Variants in FAF1 observed in about 807,000 individuals in gnomAD.
FAF1 encodes Fas associated factor 1.
FAF1 carries 25 observed loss-of-function variants against 92.5 expected under a neutral mutation model. The ratio of observed to expected loss-of-function variants is 0.27; its 90% CI spans 0.20 to 0.38. FAF1 has a LOEUF of 0.38. FAF1 is among the 10% of genes least tolerant of loss of function. FAF1 has a pLI of 1.00. For missense variants in FAF1, 636 were observed against 793.3 expected, an observed-to-expected ratio of 0.80 and a Z score of 2.38; for synonymous variants, 234 against 273.2, an observed-to-expected ratio of 0.86 and a Z score of 1.42.
intron 1 of FAF1, among the ~76,000 whole-genome samples, chr1:50,895,042 A>G (rs1644747766): frequency 6.6e-6 from 1 of 152,204 alleles, no homozygotes; most frequent in East Asian, 1.9e-4. Flanking sequence ...CAGAGCAGAA[A>G]TAAATGCAAT....
intron 8 of FAF1, among the ~76,000 whole-genome samples, chr1:50,617,276 T>G (rs1484750342): frequency 6.6e-6 from 1 of 152,198 alleles, no homozygotes; most frequent in Non-Finnish European, 1.5e-5. Context: ...AGCTGTGGGT[T>G]TGTGGTTAAT....
intron 6 of FAF1, among the ~76,000 whole-genome samples, chr1:50,732,793 T>C (rs1658982369): frequency 6.6e-6 from 1 of 152,194 alleles, no homozygotes; most frequent in African/African-American, 2.4e-5. Context: ...TATACTTGTT[T>C]TCCTGTGTTT....
Position 50,638,047 on chromosome 1 carries a change from T to C in FAF1, c.744+17395A>G, listed in dbSNP as rs562233117. On this transcript the variant is annotated intron_variant, in intron 8 of 18. Transcript: ENST00000396153. ...TATTTTATTAATGTATCCTTAAATA[T>C]TTCATGTTTTTGGATAGAATTGCGA... Among the ~76,000 whole-genome samples the C allele has an allele frequency of 2.2e-4, 33 of 152,254 alleles. No homozygotes were observed. In the South Asian group the frequency reaches 6.4e-3, roughly 30 times the overall value.
In FAF1 at chr1:50,441,255, T is replaced by C. The variant is rs1646163306; in HGVS notation, c.*185A>G. The stretch of plus-strand genomic sequence containing the variant: ...CTCTGTAATAAGGGTTGGGAATATA[T>C]ACTCATGGATGGGAAATCTTAAGTA... On this transcript the variant is annotated 3_prime_UTR_variant, in exon 19 of 19. Transcript: ENST00000396153. The C allele has an allele frequency of 7.8e-6, 4 of 514,590 alleles. No individual in the cohort carries two copies. In the South Asian group the frequency reaches 9.1e-5, roughly 12 times the overall value. 31.9% of individuals were successfully genotyped at this position (514,590 alleles called of 1,614,324 possible). A position where few individuals can be genotyped will look rare whatever the true frequency, so the allele number is the denominator to read the frequency against.
In FAF1 at chr1:50,495,969, A is replaced by G. The variant is rs371661726; in HGVS notation, c.1495-4168T>C. 1.7e-4 allele frequency among the ~76,000 whole-genome samples: 26 copies of G among 152,278 alleles called. No homozygotes were observed. In the South Asian group the frequency reaches 4.3e-3, roughly 25 times the overall value. ...ACAATAGCCATTGAATTTTATTACA[A>G]TTCACTGAAAATGATGACTATTAAA... On this transcript the variant is annotated intron_variant, in intron 15 of 18. Coordinates refer to ENST00000396153, the MANE Select transcript of FAF1 (RefSeq NM_007051.3).
chr1:50,951,157 C>T (rs191037837), intron 1 of FAF1, among the ~76,000 whole-genome samples: 202 of 152,294 alleles, frequency 1.3e-3, no homozygotes, highest in Non-Finnish European at 2.2e-3. Flanking sequence ...CTGCCTGAAC[C>T]GGGGAGATGG....
In FAF1 at chr1:50,472,424, A is replaced by ACAC. The variant is rs1553216761; in HGVS notation, c.1869+3039_1869+3040insGTG. The stretch of plus-strand genomic sequence containing the variant: ...ACACACACACACACACACACACACA[A>ACAC]ACCCCAAAACCAAGTAACTCAATGC... On this transcript the variant is annotated intron_variant, in intron 18 of 18. Transcript: ENST00000396153. Among the ~76,000 whole-genome samples, 385 of 96,136 alleles carry ACAC rather than the reference A, an allele frequency of 4.0e-3. 2 individuals carry two copies. The highest frequency in any genetic ancestry group is 9.3e-3 in the African/African-American group (259 of 27,896). 63.1% of individuals were successfully genotyped at this position (96,136 alleles called of 152,430 possible). A position where few individuals can be genotyped will look rare whatever the true frequency, so the allele number is the denominator to read the frequency against.
chr1:50,554,173 T>C (rs1287461988), intron 13 of FAF1, among the ~76,000 whole-genome samples: 2 of 150,616 alleles, frequency 1.3e-5, no homozygotes, highest in African/African-American at 4.9e-5. Context: ...TGCTGAATCA[T>C]TCAGCATGGC....
intron 17 of FAF1, among the ~76,000 whole-genome samples, chr1:50,479,800 C>T (rs1467835186): frequency 6.6e-6 from 1 of 152,170 alleles, no homozygotes; most frequent in Non-Finnish European, 1.5e-5. Flanking sequence ...AGAAAACAGA[C>T]CTCATACATC....
chr1:50,734,831 G>A (rs1460856559), intron 6 of FAF1, among the ~76,000 whole-genome samples: 2 of 152,026 alleles, frequency 1.3e-5, no homozygotes, highest in Non-Finnish European at 2.9e-5. Context: ...AAACTCCACA[G>A]GCAACTGGGA....
intron 15 of FAF1, among the ~76,000 whole-genome samples, chr1:50,532,278 C>A (rs941738771): frequency 3.9e-5 from 6 of 151,978 alleles, no homozygotes; most frequent in Non-Finnish European, 7.4e-5. Context: ...ATTTTGTGCT[C>A]AGTATTAAAG....
intron 15 of FAF1, among the ~76,000 whole-genome samples, chr1:50,500,723 G>A (rs1646973604): frequency 6.6e-6 from 1 of 152,020 alleles, no homozygotes. Flanking sequence ...GTGTGCCTAT[G>A]TTAAAGTATC....
At chr1:50,615,451 C>T (rs771601131) in intron 8 of FAF1, among the ~76,000 whole-genome samples, 2 of 152,196 alleles carry the variant, frequency 1.3e-5, no homozygotes, top group Non-Finnish European at 2.9e-5. Flanking sequence ...AATCTCCAAA[C>T]TGCTCTCCAT....
At chr1:50,524,934 G>GT (rs1364889973) in intron 15 of FAF1, among the ~76,000 whole-genome samples, 3 of 151,948 alleles carry the variant, frequency 2.0e-5, no homozygotes, top group African/African-American at 7.3e-5. Context: ...TGCCCAGGGT[G>GT]TAGTGCAGTG....
intron 15 of FAF1, among the ~76,000 whole-genome samples, chr1:50,529,551 T>A (rs957475745): frequency 6.6e-6 from 1 of 152,146 alleles, no homozygotes. Context: ...GGAATCTTAG[T>A]AGATAGGTAC....
chr1:50,533,885 T>A (rs1648320140), intron 15 of FAF1, among the ~76,000 whole-genome samples: 1 of 152,170 alleles, frequency 6.6e-6, no homozygotes, highest in South Asian at 2.1e-4. Context: ...AATGACTTCT[T>A]GAGATAATTA....
intron 4 of FAF1, among the ~76,000 whole-genome samples, chr1:50,747,697 G>A (rs1003045962): frequency 6.6e-6 from 1 of 152,156 alleles, no homozygotes; most frequent in Middle Eastern, 3.2e-3. Flanking sequence ...GGCCACGGGT[G>A]AAATAATATG....
At position 50,441,224 on chromosome 1, in the gene FAF1, G is replaced by A; in HGVS notation, c.*216C>T. On this transcript the variant is annotated 3_prime_UTR_variant, in exon 19 of 19. Coordinates refer to ENST00000396153, the MANE Select transcript of FAF1 (RefSeq NM_007051.3). Reference sequence around the variant, plus strand: ...GGGGGTAGGGGAGGGTGGCAGAGTTGTAATTCTCTGTAATAAGGGTTGGGA... The same window carrying A: ...GGGGGTAGGGGAGGGTGGCAGAGTTATAATTCTCTGTAATAAGGGTTGGGA... The A allele has an allele frequency of 2.2e-6, 1 of 453,424 alleles. No individual in the cohort carries two copies. The highest frequency in any genetic ancestry group is 3.9e-6 in the Non-Finnish European group (1 of 255,248). The allele number at this position is 453,424 out of a possible 1,614,324, so 28.1% of individuals were successfully genotyped here.
chr1:50,573,657 A>G lies in FAF1; in HGVS notation c.1114-6426T>C, dbSNP rs536875020. Among the ~76,000 whole-genome samples the G allele has an allele frequency of 1.0e-3, 153 of 152,030 alleles. 2 individuals carry two copies. Among genetic ancestry groups the G allele is most frequent in the African/African-American group, 3.7e-3 (152 of 41,320 alleles). Reference sequence around the variant, plus strand: ...TCAACCAAATTGGAGAGGTTCCAAAAAGAAAAAGTCAGCTACTGAAGATGA... The same window carrying G: ...TCAACCAAATTGGAGAGGTTCCAAAGAGAAAAAGTCAGCTACTGAAGATGA... On this transcript the variant is annotated intron_variant, in intron 12 of 18. Transcript: ENST00000396153.
Sources: gnomAD v4.1 joint callset for allele counts (sites outside exome capture counted in the v4.1 genomes callset) on GRCh38, gnomAD v4.1.1 for gene constraint, MANE v1.5 for transcripts, NCBI Gene and HGNC (gene_info 2026-07-23, HGNC 2026-07-21) for gene names.